Variants in SGCZ observed in about 807,000 individuals in gnomAD.
SGCZ encodes zeta-sarcoglycan.
In SGCZ, 40 loss-of-function variants were observed where a neutral mutation model predicts 41.3. That is an observed-to-expected ratio of 0.97 (90% CI 0.75 to 1.26). The LOEUF (loss-of-function observed/expected upper bound fraction) is 1.26, where lower values mean the gene tolerates loss of function less well. Among genes scored for constraint, SGCZ ranks in the 50% most tolerant of loss-of-function variants. SGCZ has a pLI of 0.00. For synonymous variants in SGCZ, 206 were observed against 137.5 expected (o/e 1.50, Z -3.49); for missense variants, 552 against 369.8 (o/e 1.49, Z -4.04).
At chr8:14,135,402 G>A (rs1196827614) in intron 5 of SGCZ, among the ~76,000 whole-genome samples, 3 of 152,156 alleles carry the variant, frequency 2.0e-5, no homozygotes, top group Non-Finnish European at 2.9e-5. Flanking sequence ...TTTCTAAGGT[G>A]GGGGAAAATA....
At chr8:14,743,973 C>G (rs1406075808) in intron 1 of SGCZ, among the ~76,000 whole-genome samples, 1 of 152,112 alleles carries the variant, frequency 6.6e-6, no homozygotes, top group East Asian at 1.9e-4. Context: ...ATCTTTTCCT[C>G]TAGCAAATAT....
chr8:14,358,302 A>G (rs1022918875), intron 2 of SGCZ, among the ~76,000 whole-genome samples: 1 of 152,182 alleles, frequency 6.6e-6, no homozygotes, highest in Admixed American at 6.5e-5. Flanking sequence ...TAATCGATGC[A>G]GAAAGGGTTT....
At chr8:14,477,831 T>C (rs1007126364) in intron 2 of SGCZ, among the ~76,000 whole-genome samples, 1 of 152,234 alleles carries the variant, frequency 6.6e-6, no homozygotes, top group African/African-American at 2.4e-5. Flanking sequence ...GCTGAGGTTT[T>C]ATATCATCAC....
intron 2 of SGCZ, among the ~76,000 whole-genome samples, chr8:14,364,662 T>G (rs1055017435): frequency 2.0e-5 from 3 of 152,184 alleles, no homozygotes; most frequent in African/African-American, 7.2e-5. Context: ...TTTCCTTATA[T>G]AAATTCCCTT....
chr8:15,055,739 G>A (rs997554827), intron 1 of SGCZ, among the ~76,000 whole-genome samples: 3 of 152,178 alleles, frequency 2.0e-5, no homozygotes, highest in African/African-American at 7.2e-5. Flanking sequence ...AGCTCTCCAA[G>A]CTCTATCACA....
chr8:14,726,198 G>C (rs2130210079), intron 1 of SGCZ, among the ~76,000 whole-genome samples: 1 of 150,270 alleles, frequency 6.7e-6, no homozygotes, highest in Non-Finnish European at 1.5e-5. Flanking sequence ...GGGAGGCAGA[G>C]GTTGCAGTGA....
intron 1 of SGCZ, among the ~76,000 whole-genome samples, chr8:15,231,556 C>T (rs981951561): frequency 3.3e-5 from 5 of 149,688 alleles, no homozygotes; most frequent in Admixed American, 6.7e-5. Flanking sequence ...TAGACATTTG[C>T]CAAGAAAAAG....
At chr8:15,071,559 C>G (rs546453639) in intron 1 of SGCZ, among the ~76,000 whole-genome samples, 3 of 152,288 alleles carry the variant, frequency 2.0e-5, no homozygotes, top group African/African-American at 7.2e-5. Flanking sequence ...ATTCTTTACC[C>G]TAGTCTGAAA....
Position 14,202,842 on chromosome 8 carries a change from A to C in SGCZ, c.424+34750T>G, listed in dbSNP as rs369319928. Among the ~76,000 whole-genome samples the C allele has an allele frequency of 1.3e-4, 20 of 152,172 alleles. No homozygotes were observed. In the East Asian group the frequency reaches 2.9e-3, roughly 22 times the overall value. On this transcript the variant is annotated intron_variant, in intron 4 of 7. Coordinates refer to ENST00000382080, the MANE Select transcript of SGCZ (RefSeq NM_139167.4). ...CTTAATATTTGTAGATGATATGGAT[A>C]TGGTTTGGCTGTGTCTCCACCCAAA... is the stretch of plus-strand genomic sequence containing the variant.
chr8:14,329,232 G>T (rs1294477596), intron 2 of SGCZ, among the ~76,000 whole-genome samples: 1 of 152,048 alleles, frequency 6.6e-6, no homozygotes, highest in African/African-American at 2.4e-5. Flanking sequence ...TTTATTAACT[G>T]TTGACTTTGA....
At chr8:15,231,610 CTTTTTTTTTTTTTTTTTT>C (rs914572473) in intron 1 of SGCZ, among the ~76,000 whole-genome samples, 4 of 72,102 alleles carry the variant, frequency 5.5e-5, no homozygotes, top group African/African-American at 2.2e-4. Flanking sequence ...TTAATATATT[CTTTTTTTTTTTTTTTTTT>C]TTTTTTTTTT....
chr8:14,154,744 C>T (rs1360934848), intron 5 of SGCZ, among the ~76,000 whole-genome samples: 1 of 152,150 alleles, frequency 6.6e-6, no homozygotes, highest in Non-Finnish European at 1.5e-5. Context: ...TTCCTCCTCT[C>T]TCCCTCTTTG....
chr8:14,355,180 T>C (rs1463116943), intron 2 of SGCZ, among the ~76,000 whole-genome samples: 1 of 152,056 alleles, frequency 6.6e-6, no homozygotes, highest in Admixed American at 6.6e-5. Context: ...GTGTACTTTG[T>C]TTATAGGCCA....
intron 2 of SGCZ, among the ~76,000 whole-genome samples, chr8:14,395,892 G>C (rs143100408): frequency 1.3e-5 from 2 of 152,270 alleles, no homozygotes; most frequent in Middle Eastern, 3.4e-3. Context: ...GTATCTGTTC[G>C]CTTCTCAATA....
chr8:14,942,073 C>G (rs2130821826), intron 1 of SGCZ, among the ~76,000 whole-genome samples: 1 of 152,066 alleles, frequency 6.6e-6, no homozygotes, highest in Admixed American at 6.6e-5. Flanking sequence ...TAGGAACCCC[C>G]AGCAGGAGAC....
chr8:15,199,295 A>C (rs914671966), intron 1 of SGCZ, among the ~76,000 whole-genome samples: 2 of 152,206 alleles, frequency 1.3e-5, no homozygotes, highest in African/African-American at 4.8e-5. Flanking sequence ...GTGATAGCAG[A>C]AAGCAGCAAA....
intron 1 of SGCZ, among the ~76,000 whole-genome samples, chr8:14,601,839 T>C (rs1805597918): frequency 6.6e-6 from 1 of 152,120 alleles, no homozygotes; most frequent in South Asian, 2.1e-4. Context: ...TATGATGTGG[T>C]GCCGGGCGCG....
intron 2 of SGCZ, among the ~76,000 whole-genome samples, chr8:14,514,650 T>G (rs1308756159): frequency 2.7e-5 from 4 of 149,786 alleles, no homozygotes; most frequent in Non-Finnish European, 3.0e-5. Flanking sequence ...CTTAAATATT[T>G]TGGACTTTAC....
At chr8:14,426,001 CATTA>C (rs963427319) in intron 2 of SGCZ, among the ~76,000 whole-genome samples, 88 of 152,096 alleles carry the variant, frequency 5.8e-4, no homozygotes, top group African/African-American at 2.0e-3. Context: ...TATTAATTAA[CATTA>C]ATTAACATTA....
Sources: allele counts gnomAD v4.1 joint callset (sites outside exome capture counted in the v4.1 genomes callset), GRCh38; gene constraint gnomAD v4.1.1; transcripts MANE v1.5; gene names NCBI Gene and HGNC (gene_info 2026-07-23, HGNC 2026-07-21).